GNAS: variants seen among roughly 807,000 people sequenced by gnomAD.
The protein encoded by GNAS is protein ALEX.
GNAS carries 8 observed loss-of-function variants against 54.5 expected under a neutral mutation model. That is an observed-to-expected ratio of 0.15 (90% CI 0.09 to 0.26). The LOEUF is 0.26. Ranked by LOEUF, GNAS falls within the 10% of genes least tolerant of loss-of-function variation. The pLI is 1.00. For missense variants in GNAS, 170 were observed against 529.8 expected, an observed-to-expected ratio of 0.32 and a Z score of 6.67; for synonymous variants, 204 against 191.4, an observed-to-expected ratio of 1.07 and a Z score of -0.54.
chr20:58,895,953 G>A (rs1372904095), intron 2 of GNAS, among the ~76,000 whole-genome samples: 1 of 152,136 alleles, frequency 6.6e-6, no homozygotes, highest in African/African-American at 2.4e-5. Context: ...CCTGGTTGCA[G>A]GGGACGCTTG....
intron 3 of GNAS, chr20:58,899,848 T>C: frequency 1.4e-6 from 1 of 700,990 alleles, no homozygotes; most frequent in South Asian, 1.5e-5. Flanking sequence ...GTTTAGGGCA[T>C]CTCAAAGAAA....
intron 1 of GNAS, chr20:58,895,299 C>T (rs1365062071): frequency 1.5e-5 from 6 of 396,786 alleles, no homozygotes; most frequent in South Asian, 2.3e-5. Flanking sequence ...GACAAAATTG[C>T]GTCATTCCTT....
rs916620440 is a variant in GNAS, at chr20:58,850,800, C to T, written c.43+9914C>T. 7.5e-6 allele frequency: 3 copies of T among 398,858 alleles called. No individual in the cohort carries two copies. The East Asian group carries it at 1.1e-4, about 14-fold the overall frequency. 24.7% of individuals were successfully genotyped at this position (398,858 alleles called of 1,614,324 possible). A position where few individuals can be genotyped will look rare whatever the true frequency, so the allele number is the denominator to read the frequency against. ...AGGAAGAGTGACCCCACGGCGCTAG[C>T]GGTCCTCGTGGTCTTCCAGGCCTAG... On this transcript the variant is annotated intron_variant, in intron 1 of 12. Coordinates refer to the GNAS transcript ENST00000306090.
At chr20:58,840,607 G>A (rs1490961354), upstream of GNAS, 5 of 1,609,704 alleles carry the variant, frequency 3.1e-6, no homozygotes, top group Non-Finnish European at 4.2e-6. This position sits in a 1 kb window ranked among gnomAD's most constrained non-coding sequence, Gnocchi z 6.0. Context: ...ACGCTCTCAA[G>A]TTGCGAAGCC....
Position 58,910,119 on chromosome 20 carries a change from G to A in GNAS, c.970+38G>A, listed in dbSNP as rs772910707. The A allele has an allele frequency of 2.1e-5, 33 of 1,607,434 alleles. No homozygotes were observed. Among genetic ancestry groups the A allele is most frequent in the Non-Finnish European group, 2.6e-5 (30 of 1,174,216 alleles). The stretch of plus-strand genomic sequence containing the variant: ...TCCACTCTTGCTGGCTGTTCATTGC[G>A]GTGGTTCTTTTTCAAACGGTCAGGC... On this transcript the variant is annotated intron_variant, in intron 11 of 12. Transcript: ENST00000371085. The surrounding 1 kb of genome is among the most constrained non-coding windows in gnomAD (Gnocchi z 5.8).
At chr20:58,874,994 A>C (rs2087713278) in intron 1 of GNAS, among the ~76,000 whole-genome samples, 1 of 152,216 alleles carries the variant, frequency 6.6e-6, no homozygotes, top group South Asian at 2.1e-4. Flanking sequence ...AGGTCTCTGT[A>C]ACTATCACAG....
chr20:58,855,920 G>C (rs1197205997), intron 1 of GNAS: 1 of 442,432 alleles, frequency 2.3e-6, no homozygotes, highest in Non-Finnish European at 4.0e-6. Flanking sequence ...CTGTGTTGTG[G>C]TTTGCGCCAT....
chr20:58,847,956 GC>G (rs1242719657), intron 1 of GNAS, among the ~76,000 whole-genome samples: 1 of 152,188 alleles, frequency 6.6e-6, no homozygotes, highest in Non-Finnish European at 1.5e-5. Flanking sequence ...TGTTTGGGAG[GC>G]CCAGGGCATC....
At chr20:58,851,329 G>A (rs1014491340) in intron 1 of GNAS, among the ~76,000 whole-genome samples, 7 of 152,126 alleles carry the variant, frequency 4.6e-5, no homozygotes, top group African/African-American at 1.7e-4. Flanking sequence ...CGCAACTTGC[G>A]GTGGTTCGCC....
chr20:58,905,275 AC>A, intron 5 of GNAS, 107 bp from the exon 6 acceptor site: 1 of 744,556 alleles, frequency 1.3e-6, no homozygotes, highest in Non-Finnish European at 2.4e-6. Flanking sequence ...TCAAAATCAC[AC>A]CAAGTGTCGG....
chr20:58,875,402 A>C (rs533738392), intron 1 of GNAS, among the ~76,000 whole-genome samples: 2 of 152,340 alleles, frequency 1.3e-5, no homozygotes, highest in Admixed American at 6.5e-5. Context: ...TTAGAGGCCC[A>C]AAAGCCCAGA....
At chr20:58,877,284 G>T (rs903494586) in intron 1 of GNAS, among the ~76,000 whole-genome samples, 3 of 152,070 alleles carry the variant, frequency 2.0e-5, no homozygotes, top group Non-Finnish European at 2.9e-5. Flanking sequence ...TGGAGAGGGG[G>T]AGAGAAGCCC....
At chr20:58,876,080 T>C (rs931832661) in intron 1 of GNAS, among the ~76,000 whole-genome samples, 4 of 152,168 alleles carry the variant, frequency 2.6e-5, no homozygotes, top group African/African-American at 9.7e-5. Flanking sequence ...CAGAGGTGTA[T>C]TAACAGCTAA....
At position 58,878,087 on chromosome 20, in the gene GNAS, A is replaced by G. The variant is rs559349056; in HGVS notation, c.44-17525A>G. Among the ~76,000 whole-genome samples, 4 of 152,308 alleles carry G rather than the reference A, an allele frequency of 2.6e-5. 1 individual carries two copies. The South Asian group carries it at 8.3e-4, about 32-fold the overall frequency. The stretch of plus-strand genomic sequence containing the variant: ...TTAGGGCCCTTTCCTGGCATGCAAC[A>G]GGAAGTGCAGGCTGTGTTGAGAGCC... On this transcript the variant is annotated intron_variant, in intron 1 of 12. Transcript: ENST00000306090.
intron 1 of GNAS, among the ~76,000 whole-genome samples, chr20:58,858,472 C>T (rs2086610718): frequency 6.6e-6 from 1 of 152,170 alleles, no homozygotes; most frequent in African/African-American, 2.4e-5. Context: ...TCTTACTCAA[C>T]ACTATCCACC....
At chr20:58,871,421 C>A (rs1385706756) in intron 1 of GNAS, among the ~76,000 whole-genome samples, 1 of 151,962 alleles carries the variant, frequency 6.6e-6, no homozygotes, top group East Asian at 1.9e-4. Context: ...TCAAGACCAG[C>A]CTGACTAACA....
At chr20:58,883,163 T>G (rs1342075467) in intron 1 of GNAS, 2 of 152,256 alleles carry the variant, frequency 1.3e-5, no homozygotes, top group African/African-American at 4.8e-5. Context: ...ATAAATGAAT[T>G]GGCCATCTGC....
upstream of GNAS, chr20:58,889,418 C>T (rs2088894043): frequency 5.1e-6 from 5 of 976,640 alleles, no homozygotes; most frequent in Non-Finnish European, 4.9e-6. Context: ...CAAGAGCCGC[C>T]GGGTCCGGGA....
chr20:58,891,498 G>T lies in GNAS; in HGVS notation c.-229G>T. 4.1e-6 allele frequency: 4 copies of T among 970,662 alleles called. No individual in the cohort carries two copies. Among genetic ancestry groups the T allele is most frequent in the African/African-American group, 1.8e-5 (1 of 56,182 alleles). 60.1% of individuals were successfully genotyped at this position (970,662 alleles called of 1,614,324 possible). The stretch of plus-strand genomic sequence containing the variant: ...AGCCCCCTCGGCCTCGGCTCGAGGG[G>T]CGGGGAGCTGCGCGCGCCCCTCGGT... On this transcript the variant is annotated 5_prime_UTR_variant, in exon 1 of 13. Coordinates refer to ENST00000371085, the MANE Select transcript of GNAS (RefSeq NM_000516.7).
Sources: allele counts gnomAD v4.1 joint callset (sites outside exome capture counted in the v4.1 genomes callset), GRCh38; gene constraint gnomAD v4.1.1; non-coding constraint Gnocchi (gnomAD v3.1); transcripts MANE v1.5; gene names NCBI Gene and HGNC (gene_info 2026-07-23, HGNC 2026-07-21).